NR3C1: variants seen among roughly 807,000 people sequenced by gnomAD.
NR3C1 encodes the protein glucocorticoid receptor.
A neutral mutation model predicts 74.0 loss-of-function variants in NR3C1; 14 were observed. The ratio of observed to expected loss-of-function variants is 0.19; its 90% CI spans 0.12 to 0.30. The LOEUF (loss-of-function observed/expected upper bound fraction) is 0.30. NR3C1 is among the 10% of genes least tolerant of loss of function. The pLI is 1.00. For missense variants in NR3C1, 695 were observed against 909.8 expected (o/e 0.76, Z 3.04); for synonymous variants, 308 against 332.5 (o/e 0.93, Z 0.80).
chr5:143,393,461 T>C (rs993167593), intron 2 of NR3C1, among the ~76,000 whole-genome samples: 4 of 152,138 alleles, frequency 2.6e-5, no homozygotes, highest in African/African-American at 9.7e-5. Flanking sequence ...CATTAGAAAC[T>C]AGGTCTTTGG....
rs549253478 is a variant in NR3C1, at chr5:143,386,654, C to T, written c.1184+13002G>A. ...GGAAAGAAAGAAATAGGAAAGGAGA[C>T]GTGATGGAAATAAGCTTATTAACAT... On this transcript the variant is annotated intron_variant, in intron 2 of 8. Transcript: ENST00000394464. Among the ~76,000 whole-genome samples, 57 of 152,070 alleles carry T rather than the reference C, an allele frequency of 3.7e-4. No individual in the cohort carries two copies. In the South Asian group the frequency reaches 7.3e-3, roughly 19 times the overall value.
chr5:143,404,773 C>T (rs1840981069), upstream of NR3C1: 1 of 157,522 alleles, frequency 6.3e-6, no homozygotes, highest in Admixed American at 6.5e-5. Context: ...TATAGCCCCC[C>T]TTCCGAAACT....
intron 2 of NR3C1, among the ~76,000 whole-genome samples, chr5:143,385,591 A>G (rs1249905160): frequency 6.6e-6 from 1 of 152,160 alleles, no homozygotes; most frequent in African/African-American, 2.4e-5. Flanking sequence ...CATCTCTCTC[A>G]AGTTCAAAGA....
chr5:143,347,278 T>C (rs905020089), intron 2 of NR3C1, among the ~76,000 whole-genome samples: 3 of 152,144 alleles, frequency 2.0e-5, no homozygotes, highest in African/African-American at 7.2e-5. Flanking sequence ...TAAGTTGCAG[T>C]CATTAATATT....
intron 3 of NR3C1, among the ~76,000 whole-genome samples, chr5:143,312,544 A>G (rs1821191853): frequency 6.6e-6 from 1 of 152,152 alleles, no homozygotes; most frequent in East Asian, 1.9e-4. Context: ...GCTGATACCC[A>G]TATTATACTA....
intron 7 of NR3C1, among the ~76,000 whole-genome samples, chr5:143,290,739 A>G (rs1005796268): frequency 6.6e-6 from 1 of 151,654 alleles, no homozygotes; most frequent in African/African-American, 2.4e-5. Flanking sequence ...GGCTTTTTAT[A>G]GTTTTAGTAG....
chr5:143,282,436 A>C (rs1041131072), intron 8 of NR3C1, 132 bp downstream of exon 8: 5 of 988,048 alleles, frequency 5.1e-6, no homozygotes, highest in Non-Finnish European at 7.5e-6. Flanking sequence ...CATAAGTTGA[A>C]CTCAAGCTAT....
chr5:143,367,676 G>A (rs569104942), intron 2 of NR3C1, among the ~76,000 whole-genome samples: 1 of 152,078 alleles, frequency 6.6e-6, no homozygotes, highest in South Asian at 2.1e-4. Context: ...AAATATTCAA[G>A]AATAAATTTA....
At chr5:143,294,051 C>G (rs1019481777) in intron 7 of NR3C1, 1 of 984,938 alleles carries the variant, frequency 1.0e-6, no homozygotes, top group Non-Finnish European at 1.2e-6. Flanking sequence ...CTTGCCTTGA[C>G]TGAAATATTA....
chr5:143,353,729 T>C (rs1830623057), intron 2 of NR3C1, among the ~76,000 whole-genome samples: 1 of 152,144 alleles, frequency 6.6e-6, no homozygotes, highest in African/African-American at 2.4e-5. Context: ...CCAGGCTTTG[T>C]TGTTTCATTT....
At chr5:143,405,628 T>C (rs1841067523), upstream of NR3C1, among the ~76,000 whole-genome samples, 1 of 152,022 alleles carries the variant, frequency 6.6e-6, no homozygotes, top group Non-Finnish European at 1.5e-5. Flanking sequence ...TCCAGAGGAT[T>C]CTGGAGCCGC....
chr5:143,435,342 T>G (rs1752055973), exon 1 of NR3C1: 1 of 985,370 alleles, frequency 1.0e-6, no homozygotes, highest in Non-Finnish European at 1.2e-6. Flanking sequence ...ATCTAAGTTT[T>G]CTCCTTCTCT....
intron 2 of NR3C1, among the ~76,000 whole-genome samples, chr5:143,321,671 C>A (rs756461853): frequency 6.6e-6 from 1 of 152,352 alleles, no homozygotes; most frequent in East Asian, 1.9e-4. Flanking sequence ...CACTCCCCTA[C>A]ATAATCCATG....
chr5:143,368,551 A>C (rs1391269250), intron 2 of NR3C1, among the ~76,000 whole-genome samples: 3 of 151,988 alleles, frequency 2.0e-5, no homozygotes, highest in East Asian at 3.8e-4. Context: ...ACACACACAC[A>C]CACACACACA....
chr5:143,393,119 G>GC (rs1480240270), intron 2 of NR3C1, among the ~76,000 whole-genome samples: 2 of 152,048 alleles, frequency 1.3e-5, no homozygotes, highest in African/African-American at 4.8e-5. Flanking sequence ...GAACCCAAGA[G>GC]CCCCACCTCT....
At chr5:143,325,752 C>T (rs1011380281) in intron 2 of NR3C1, among the ~76,000 whole-genome samples, 1 of 152,064 alleles carries the variant, frequency 6.6e-6, no homozygotes, top group African/African-American at 2.4e-5. Flanking sequence ...TTCAAGCATA[C>T]ACTAGGGGTT....
intron 1 of NR3C1, among the ~76,000 whole-genome samples, chr5:143,424,060 T>TGTGGGGG (rs1561816548): frequency 3.4e-4 from 3 of 8,858 alleles, no homozygotes; most frequent in African/African-American, 3.6e-4. Flanking sequence ...TGGGGACTGT[T>TGTGGGGG]GTGGGGTGTG....
At chr5:143,413,228 G>A (rs1419660706) in intron 1 of NR3C1, among the ~76,000 whole-genome samples, 3 of 152,182 alleles carry the variant, frequency 2.0e-5, no homozygotes, top group African/African-American at 7.2e-5. Context: ...GGTGTTTAAG[G>A]TTAGGAAAAT....
chr5:143,323,225 G>C (rs146476469), intron 2 of NR3C1, among the ~76,000 whole-genome samples: 1 of 152,134 alleles, frequency 6.6e-6, no homozygotes, highest in Non-Finnish European at 1.5e-5. Flanking sequence ...TCACACTGCT[G>C]ATAAAGATAT....
Sources: allele counts gnomAD v4.1 joint callset (sites outside exome capture counted in the v4.1 genomes callset), GRCh38; gene constraint gnomAD v4.1.1; transcripts MANE v1.5; gene names NCBI Gene and HGNC (gene_info 2026-07-23, HGNC 2026-07-21).